Variants in TRIP13 observed in about 807,000 individuals in gnomAD.
The protein encoded by TRIP13 is pachytene checkpoint protein 2 homolog.
In TRIP13, 25 loss-of-function variants were observed where a neutral mutation model predicts 54.4. The ratio of observed to expected loss-of-function variants is 0.46; its 90% CI spans 0.33 to 0.64. The LOEUF is 0.64. Among genes scored for constraint, TRIP13 ranks in the 30% least tolerant of loss-of-function variants. The pLI is 0.02. For synonymous variants in TRIP13, 207 were observed against 207.8 expected, an observed-to-expected ratio of 1.00 and a Z score of 0.03; for missense variants, 373 against 534.2, an observed-to-expected ratio of 0.70 and a Z score of 2.97.
intron 5 of TRIP13, 62 bp downstream of exon 5, chr5:901,493 C>T (rs1753989793): frequency 4.6e-6 from 7 of 1,508,112 alleles, no homozygotes; most frequent in South Asian, 1.2e-5. Flanking sequence ...TTTACTTGTA[C>T]CTTCGTCCTT....
rs1754137162 is a variant in TRIP13 at position 907,370 on chromosome 5, C to G, written c.672+177C>G. On this transcript the variant is annotated intron_variant, in intron 7 of 12. Transcript: ENST00000166345. This position sits in a 1 kb window ranked among gnomAD's most constrained non-coding sequence, Gnocchi z 4.1. ...GGAGCTGGGGCCCTTGGGGACCCTCCCTTGGTTCTCCCCAGACCTGTGACT... is the reference window on the plus strand; with the variant it reads ...GGAGCTGGGGCCCTTGGGGACCCTCGCTTGGTTCTCCCCAGACCTGTGACT... 1.3e-5 allele frequency among the ~76,000 whole-genome samples: 2 copies of G among 152,184 alleles called. No homozygotes were observed. Among genetic ancestry groups the G allele is most frequent in the African/African-American group, 4.8e-5 (2 of 41,422 alleles).
intron 5 of TRIP13, among the ~76,000 whole-genome samples, chr5:902,466 G>A (rs896999648): frequency 2.6e-5 from 4 of 152,192 alleles, no homozygotes; most frequent in Admixed American, 2.6e-4. Context: ...AACCAGTTAC[G>A]TATTTCCTCT....
Position 900,564 on chromosome 5 carries a change from CT to C in TRIP13, c.444+19del. ...TCAAATCCCATGTAAGTTGCTGTGC[CT>C]TTTCCCAGAATGCCCTGTTATTTGA... is the stretch of plus-strand genomic sequence containing the variant. On this transcript the variant is annotated intron_variant, in intron 4 of 12. Transcript: ENST00000166345. 1.2e-6 allele frequency: 2 copies of C among 1,609,468 alleles called. No individual in the cohort carries two copies. The highest frequency in any genetic ancestry group is 1.7e-5 in the Admixed American group (1 of 58,524).
In TRIP13 at chr5:908,573, A is replaced by G. The variant is rs1432638541; in HGVS notation, c.866+112A>G. 1 of 1,533,768 alleles carries G rather than the reference A, an allele frequency of 6.5e-7. No individual in the cohort carries two copies. Among genetic ancestry groups the G allele is most frequent in the African/African-American group, 1.4e-5 (1 of 73,684 alleles). On this transcript the variant is annotated intron_variant, in intron 9 of 12. Coordinates refer to ENST00000166345, the MANE Select transcript of TRIP13 (RefSeq NM_004237.4). This position sits in a 1 kb window ranked among gnomAD's most constrained non-coding sequence, Gnocchi z 5.2. Reference sequence around the variant, plus strand: ...TTAGTGCCCAGCTCTTTCACCGGAAAGTGCATTTGGCATTGAGTATCGACT... The same window carrying G: ...TTAGTGCCCAGCTCTTTCACCGGAAGGTGCATTTGGCATTGAGTATCGACT...
At chr5:895,247 C>T (rs891995912) in intron 2 of TRIP13, among the ~76,000 whole-genome samples, 1 of 152,166 alleles carries the variant, frequency 6.6e-6, no homozygotes, top group Non-Finnish European at 1.5e-5. Context: ...ATGTCTCATT[C>T]TTTCAATCAG....
intron 2 of TRIP13, 86 bp downstream of exon 2, chr5:895,038 T>A: frequency 7.0e-7 from 1 of 1,426,914 alleles, no homozygotes; most frequent in Non-Finnish European, 9.4e-7. Flanking sequence ...TCATAGCCTG[T>A]TGTCAGAAAC....
chr5:901,540 C>G (rs931996227), intron 5 of TRIP13, 109 bp downstream of exon 5: 1 of 955,004 alleles, frequency 1.0e-6, no homozygotes. Context: ...TCTGAAGGAG[C>G]CACAGCTGTC....
In TRIP13 at chr5:893,018, A is replaced by G; in HGVS notation, c.20A>G (p.Asp7Gly). The G allele has an allele frequency of 1.3e-6, 2 of 1,589,056 alleles. No homozygotes were observed. The highest frequency in any genetic ancestry group is 1.7e-6 in the Non-Finnish European group (2 of 1,172,124). ...GGCGCCATGGACGAGGCCGTGGGCGACCTGAAGCAGGCGCTTCCCTGTGTG... is the reference window on the plus strand; with the variant it reads ...GGCGCCATGGACGAGGCCGTGGGCGGCCTGAAGCAGGCGCTTCCCTGTGTG... MDEAVGDLKQALPCVAE... is the reference protein window; with the variant it reads MDEAVGGLKQALPCVAE... The change falls in exon 1 of 13, where the codon GAC becomes GGC. Residue 7 changes from aspartate (D) to glycine (G), a missense_variant. This residue lies in a region of TRIP13 where 151 missense variants were observed against 151.9 expected (regional missense o/e 0.99). Coordinates refer to ENST00000166345, the MANE Select transcript of TRIP13 (RefSeq NM_004237.4).
At position 914,729 on chromosome 5, in the gene TRIP13, G is replaced by T. The variant is rs1579204644; in HGVS notation, c.1133+152G>T. 9.6e-6 allele frequency: 6 copies of T among 627,904 alleles called. No individual in the cohort carries two copies. The East Asian group carries it at 1.6e-4, about 17-fold the overall frequency. 38.9% of individuals were successfully genotyped at this position (627,904 alleles called of 1,614,324 possible). On this transcript the variant is annotated intron_variant, in intron 11 of 12. Transcript: ENST00000166345. The stretch of plus-strand genomic sequence containing the variant: ...AACATGCATGTACACACGTGTGTGT[G>T]TGTGTGTGTGTGCATGTGAGTAGAA...
rs1253214571 is a variant in TRIP13 at position 913,701 on chromosome 5, A to T, written c.1021-764A>T. Among the ~76,000 whole-genome samples, 1 of 152,212 alleles carries T rather than the reference A, an allele frequency of 6.6e-6. No individual in the cohort carries two copies. Among genetic ancestry groups the T allele is most frequent in the Non-Finnish European group, 1.5e-5 (1 of 68,044 alleles). ...TAGGCAGTTTATATGAAATTAAGACATGCAGATGTCACAGTGGATATTGAA... is the reference window on the plus strand; with the variant it reads ...TAGGCAGTTTATATGAAATTAAGACTTGCAGATGTCACAGTGGATATTGAA... On this transcript the variant is annotated intron_variant, in intron 10 of 12. Transcript: ENST00000166345. This position sits in a 1 kb window ranked among gnomAD's most constrained non-coding sequence, Gnocchi z 4.5.
At chr5:902,252 T>C (rs1401944897) in intron 5 of TRIP13, among the ~76,000 whole-genome samples, 1 of 152,188 alleles carries the variant, frequency 6.6e-6, no homozygotes, top group African/African-American at 2.4e-5. Context: ...TTGAGTGGAC[T>C]CGAGAGTATG....
chr5:907,080 G>T lies in TRIP13; in HGVS notation c.609-50G>T, dbSNP rs750929944. 23 of 1,537,204 alleles carry T rather than the reference G, an allele frequency of 1.5e-5. No homozygotes were observed. The highest frequency in any genetic ancestry group is 2.1e-5 in the Non-Finnish European group (23 of 1,111,348). On this transcript the variant is annotated intron_variant, in intron 6 of 12. Transcript: ENST00000166345. This position sits in a 1 kb window ranked among gnomAD's most constrained non-coding sequence, Gnocchi z 4.1. ...GGACGCGTGAATGGCTGCCGCTGAG[G>T]ATCCACAGGACCAGTTAGTAATTCT...
At chr5:904,293 T>G in intron 6 of TRIP13, 73 bp downstream of exon 6, 1 of 1,301,286 alleles carries the variant, frequency 7.7e-7, no homozygotes, top group Non-Finnish European at 1.1e-6. Context: ...TTTTTTTTTT[T>G]CTAAATCATT....
Position 900,500 on chromosome 5 carries a change from T to A in TRIP13, c.395T>A (p.Phe132Tyr). Residue 132 changes from phenylalanine to tyrosine, a missense_variant, in exon 4 of 13, where the codon TTC becomes TAC. By Grantham distance (22) the Phe-to-Tyr change is conservative. Around this residue, in one of 4 missense-constraint regions of TRIP13, gnomAD observed 119 missense variants for 223.0 expected, o/e 0.53. Coordinates refer to ENST00000166345, the MANE Select transcript of TRIP13 (RefSeq NM_004237.4). ...TTGTTTAATTCTGTCACAGCTGAAT[T>A]CCATGGGCTTTGGGACAGCTTGGTA... is the stretch of plus-strand genomic sequence containing the variant. ...ANHWVLPAAE[F>Y]HGLWDSLVYD... The A allele has an allele frequency of 6.2e-7, 1 of 1,612,252 alleles. No homozygotes were observed. The highest frequency in any genetic ancestry group is 2.2e-5 in the East Asian group (1 of 44,856).
downstream of TRIP13, among the ~76,000 whole-genome samples, chr5:918,867 T>C (rs527800597): frequency 4.2e-4 from 64 of 152,248 alleles, no homozygotes; most frequent in African/African-American, 1.4e-3. This position sits in a 1 kb window ranked among gnomAD's most constrained non-coding sequence, Gnocchi z 4.3. Context: ...GCTGATTAGA[T>C]GGTGCCCACC....
At chr5:901,526 G>A in intron 5 of TRIP13, 95 bp downstream of exon 5, 1 of 1,180,268 alleles carries the variant, frequency 8.5e-7, no homozygotes, top group Non-Finnish European at 1.2e-6. Context: ...ACGGCTCTTT[G>A]TTTTCTGAAG....
Position 917,803 on chromosome 5 carries a change from A to G in TRIP13, c.*700A>G, listed in dbSNP as rs1440425792. 6.6e-6 allele frequency: 1 copy of G among 152,204 alleles called. No homozygotes were observed. The highest frequency in any genetic ancestry group is 2.4e-5 in the African/African-American group (1 of 41,440). 9.4% of individuals were successfully genotyped at this position (152,204 alleles called of 1,614,324 possible). A position where few individuals can be genotyped will look rare whatever the true frequency, so the allele number is the denominator to read the frequency against. On this transcript the variant is annotated 3_prime_UTR_variant, in exon 13 of 13. Coordinates refer to ENST00000166345, the MANE Select transcript of TRIP13 (RefSeq NM_004237.4). ...GTATGGGCGCCCCTGCATTGCTGGG[A>G]TGTTTCTGCCCACGGTTTTGTTTGT...
chr5:894,090 G>T (rs28546075), intron 1 of TRIP13, among the ~76,000 whole-genome samples: 8,191 of 152,214 alleles, frequency 0.054, 566 homozygotes, highest in East Asian at 0.16. Context: ...GGTGGTCGCT[G>T]CTTGTAGGGT....
chr5:917,902 T>C lies in TRIP13; in HGVS notation c.*799T>C, dbSNP rs1754369984. 6.6e-6 allele frequency: 1 copy of C among 152,242 alleles called. No homozygotes were observed. The highest frequency in any genetic ancestry group is 1.5e-5 in the Non-Finnish European group (1 of 68,038). The allele number at this position is 152,242 out of a possible 1,614,324, so 9.4% of individuals were successfully genotyped here. A position where few individuals can be genotyped will look rare whatever the true frequency, so the allele number is the denominator to read the frequency against. Reference sequence around the variant, plus strand: ...AAAATAAATAGGTCAGTTACTGGTCTCTTTCTCCGAATGTTATGTTTTGCT... The same window carrying C: ...AAAATAAATAGGTCAGTTACTGGTCCCTTTCTCCGAATGTTATGTTTTGCT... On this transcript the variant is annotated 3_prime_UTR_variant, in exon 13 of 13. Coordinates refer to ENST00000166345, the MANE Select transcript of TRIP13 (RefSeq NM_004237.4).
Sources: gnomAD v4.1 joint callset for allele counts (sites outside exome capture counted in the v4.1 genomes callset) on GRCh38, gnomAD v4.1.1 for gene constraint, gnomAD v4.1.1 regional missense constraint, Gnocchi (gnomAD v3.1) non-coding constraint, MANE v1.5 for transcripts, NCBI Gene and HGNC (gene_info 2026-07-23, HGNC 2026-07-21) for gene names.